The following RASEF variants were observed in gnomAD, a reference collection of about 807,000 sequenced individuals.
RASEF encodes the protein ras and EF-hand domain-containing protein.
In RASEF, 68 loss-of-function variants were observed where a neutral mutation model predicts 90.1. The observed-to-expected ratio is 0.75, with a 90% CI of 0.62 to 0.92. The LOEUF (loss-of-function observed/expected upper bound fraction) is 0.92. Ranked by LOEUF, RASEF falls within the 40% of genes least tolerant of loss-of-function variation. The pLI is 0.00. For synonymous variants in RASEF, 331 were observed against 345.2 expected, an observed-to-expected ratio of 0.96 and a Z score of 0.46; for missense variants, 949 against 937.2, an observed-to-expected ratio of 1.01 and a Z score of -0.16.
the RASEF span, among the ~76,000 whole-genome samples, chr9:83,078,048 T>G: frequency 6.6e-6 from 1 of 152,194 alleles, no homozygotes; most frequent in African/African-American, 2.4e-5. Context: ...CAAAGGATAG[T>G]TCCTGGGGCA....
chr9:83,014,043 G>T (rs1448849903), intron 4 of RASEF, among the ~76,000 whole-genome samples: 1 of 152,160 alleles, frequency 6.6e-6, no homozygotes, highest in African/African-American at 2.4e-5. Context: ...TCTTCTTGTA[G>T]ACATTCCTTT....
intron 1 of RASEF, among the ~76,000 whole-genome samples, chr9:83,034,976 A>G (rs1269287171): frequency 2.0e-5 from 3 of 152,152 alleles, no homozygotes; most frequent in Non-Finnish European, 4.4e-5. Flanking sequence ...AACTGGGTTA[A>G]AAAGAAGTAG....
the RASEF span, among the ~76,000 whole-genome samples, chr9:83,088,372 G>GGATAGATAGATAGATAGATAGATA: frequency 4.1e-5 from 6 of 147,478 alleles, no homozygotes; most frequent in Non-Finnish European, 7.5e-5. Context: ...ATAGATAGAT[G>GGATAGATAGATAGATAGATAGATA]GATAGATAGA....
At chr9:83,119,757 GGGGAC>G in the RASEF span, among the ~76,000 whole-genome samples, 2 of 152,160 alleles carry the variant, frequency 1.3e-5, no homozygotes, top group Non-Finnish European at 2.9e-5. Context: ...ATTGAATCAT[GGGGAC>G]AAATCTTTCC....
rs1424965904 is a variant in RASEF, at chr9:83,049,543, T to TTTA, written c.431+12893_431+12894insTAA. Among the ~76,000 whole-genome samples the TTTA allele has an allele frequency of 2.8e-5, 4 of 144,422 alleles. No homozygotes were observed. The South Asian group carries it at 6.6e-4, about 24-fold the overall frequency. 94.7% of individuals were successfully genotyped at this position (144,422 alleles called of 152,430 possible). On this transcript the variant is annotated intron_variant, in intron 1 of 16. Coordinates refer to ENST00000376447, the MANE Select transcript of RASEF (RefSeq NM_152573.4). ...TTTCTGCCTTCCTTTTTTTTTTTTT[T>TTTA]TTTTTTTTTATTATACTCTAAGTTT...
At chr9:82,993,677 T>A (rs530700729) in intron 14 of RASEF, among the ~76,000 whole-genome samples, 14 of 152,320 alleles carry the variant, frequency 9.2e-5, no homozygotes, top group African/African-American at 3.4e-4. Flanking sequence ...CAAGTACCAA[T>A]CTTTCAAAGT....
At chr9:83,099,647 A>T in the RASEF span, among the ~76,000 whole-genome samples, 1 of 152,228 alleles carries the variant, frequency 6.6e-6, no homozygotes, top group Non-Finnish European at 1.5e-5. Flanking sequence ...TTGCCATGAG[A>T]TGGTCTTGAT....
At chr9:83,148,261 T>C in the RASEF span, among the ~76,000 whole-genome samples, 1 of 152,286 alleles carries the variant, frequency 6.6e-6, no homozygotes, top group East Asian at 1.9e-4. Flanking sequence ...ATGTGAGATA[T>C]GTGTTATGGG....
the RASEF span, among the ~76,000 whole-genome samples, chr9:83,217,985 TC>T: frequency 0.19 from 29,240 of 152,116 alleles, 2,880 homozygotes; most frequent in Admixed American, 0.24. Context: ...TATCCATTCA[TC>T]AAACTTTCCT....
At chr9:83,177,825 T>C in the RASEF span, among the ~76,000 whole-genome samples, 1 of 152,092 alleles carries the variant, frequency 6.6e-6, no homozygotes, top group Non-Finnish European at 1.5e-5. Flanking sequence ...CTTCTAGCCA[T>C]TATTTCTTCT....
chr9:83,210,889 G>A, the RASEF span, among the ~76,000 whole-genome samples: 146,631 of 152,324 alleles, frequency 0.96, 70,623 homozygotes, highest in East Asian at 1. Context: ...AGTCACCCCA[G>A]GTAAAAAGTC....
At position 83,011,049 on chromosome 9, in the gene RASEF, A is replaced by G. The variant is rs1254110877; in HGVS notation, c.844-1293T>C. 4.6e-4 allele frequency among the ~76,000 whole-genome samples: 70 copies of G among 152,232 alleles called. 1 individual carries two copies. Among genetic ancestry groups the G allele is most frequent in the Non-Finnish European group, 1.0e-4 (7 of 68,040 alleles). On this transcript the variant is annotated intron_variant, in intron 5 of 16. Coordinates refer to ENST00000376447, the MANE Select transcript of RASEF (RefSeq NM_152573.4). ...CTTAATAAATTGTGAGGGGGAATGT[A>G]GACATTCTCAAATATTCAAAAACAG... is the stretch of plus-strand genomic sequence containing the variant.
the RASEF span, among the ~76,000 whole-genome samples, chr9:83,097,765 A>C: frequency 6.6e-6 from 1 of 152,118 alleles, no homozygotes; most frequent in Non-Finnish European, 1.5e-5. Context: ...CACACAGAGG[A>C]CAGGGCAATA....
the RASEF span, among the ~76,000 whole-genome samples, chr9:83,155,054 C>G: frequency 6.6e-6 from 1 of 152,172 alleles, no homozygotes; most frequent in African/African-American, 2.4e-5. Flanking sequence ...ACAAGAGGCA[C>G]AGCCAAGGGA....
the RASEF span, among the ~76,000 whole-genome samples, chr9:83,158,244 A>G: frequency 6.6e-6 from 1 of 152,268 alleles, no homozygotes; most frequent in Admixed American, 6.5e-5. Context: ...TAAAGCTTTT[A>G]GAAGACTATT....
At chr9:83,049,685 T>C (rs1830006117) in intron 1 of RASEF, among the ~76,000 whole-genome samples, 2 of 132,942 alleles carry the variant, frequency 1.5e-5, no homozygotes, top group African/African-American at 2.9e-5. Flanking sequence ...TGCTATCCCT[T>C]CCCCCCTCCC....
At chr9:83,144,416 G>GAAAGAAAGAAAGAAAGAAAA in the RASEF span, among the ~76,000 whole-genome samples, 1 of 120,024 alleles carries the variant, frequency 8.3e-6, no homozygotes, top group Admixed American at 8.4e-5. Context: ...AAGAAAGAAA[G>GAAAGAAAGAAAGAAAGAAAA]AAAAGAAAAG....
At chr9:83,036,636 A>G (rs1409695908) in intron 1 of RASEF, among the ~76,000 whole-genome samples, 2 of 152,238 alleles carry the variant, frequency 1.3e-5, no homozygotes, top group Non-Finnish European at 2.9e-5. Flanking sequence ...GTTAACTGTC[A>G]TAGCCAAAAG....
chr9:83,147,311 C>T, the RASEF span, among the ~76,000 whole-genome samples: 4 of 152,070 alleles, frequency 2.6e-5, no homozygotes, highest in African/African-American at 9.7e-5. Context: ...TGGTAAATTT[C>T]CAAACAAACG....
Sources: gnomAD v4.1 joint callset for allele counts (sites outside exome capture counted in the v4.1 genomes callset) on GRCh38, gnomAD v4.1.1 for gene constraint, MANE v1.5 for transcripts, NCBI Gene and HGNC (gene_info 2026-07-23, HGNC 2026-07-21) for gene names.